The following SBF2 variants were observed in gnomAD, a reference collection of about 807,000 sequenced individuals.
SBF2 encodes SET binding factor 2.
Under a neutral mutation model 225.2 loss-of-function variants are expected in SBF2, and 112 were observed. That is an observed-to-expected ratio of 0.50 (90% CI 0.43 to 0.58). The LOEUF (loss-of-function observed/expected upper bound fraction) is 0.58, where lower values mean the gene tolerates loss of function less well. SBF2 is among the 20% of genes least tolerant of loss of function. The pLI is 0.00. For synonymous variants in SBF2, 763 were observed against 773.3 expected (o/e 0.99, Z 0.22); for missense variants, 1,996 against 2,206.2 (o/e 0.90, Z 1.91).
At chr11:10,277,530 G>T (rs1323144917) in intron 1 of SBF2, among the ~76,000 whole-genome samples, 2 of 152,282 alleles carry the variant, frequency 1.3e-5, no homozygotes, top group East Asian at 3.9e-4. Flanking sequence ...ATGAACCATT[G>T]TGTTTGTGGT....
chr11:10,260,263 A>C (rs1187677866), intron 1 of SBF2, among the ~76,000 whole-genome samples: 1 of 152,230 alleles, frequency 6.6e-6, no homozygotes, highest in Non-Finnish European at 1.5e-5. Context: ...TATGTCCACT[A>C]AGGGCACATT....
chr11:9,781,107 A>ATGTT (rs1217906756), intron 39 of SBF2, among the ~76,000 whole-genome samples: 6 of 152,220 alleles, frequency 3.9e-5, no homozygotes, highest in African/African-American at 1.4e-4. Flanking sequence ...GCTGCTGAAG[A>ATGTT]TGTTAGCGTA....
chr11:9,976,072 CTTTT>C (rs773334975), intron 13 of SBF2, among the ~76,000 whole-genome samples: 1 of 128,254 alleles, frequency 7.8e-6, no homozygotes, highest in Non-Finnish European at 1.6e-5. Context: ...TCTTCTTCTT[CTTTT>C]TTTTTTTTTT....
intron 1 of SBF2, among the ~76,000 whole-genome samples, chr11:10,235,391 G>A (rs554131956): frequency 1.8e-4 from 27 of 152,182 alleles, no homozygotes; most frequent in African/African-American, 5.1e-4. Flanking sequence ...AAAATTAGCC[G>A]TGATGCACGC....
intron 2 of SBF2, among the ~76,000 whole-genome samples, chr11:10,170,207 G>A (rs949512711): frequency 2.0e-5 from 3 of 152,094 alleles, no homozygotes; most frequent in Non-Finnish European, 2.9e-5. Context: ...TCTTTGCCCA[G>A]TTCAGTGCCC....
chr11:10,169,174 T>G (rs1043747612), intron 2 of SBF2, among the ~76,000 whole-genome samples: 17 of 152,322 alleles, frequency 1.1e-4, no homozygotes, highest in African/African-American at 4.1e-4. Flanking sequence ...ATCCTTTGTG[T>G]TACAAAAATG....
chr11:9,892,026 G>A (rs1339803743), intron 17 of SBF2, among the ~76,000 whole-genome samples: 1 of 152,162 alleles, frequency 6.6e-6, no homozygotes, highest in Non-Finnish European at 1.5e-5. Context: ...ATTATGAGAG[G>A]ATGACCAAGA....
At chr11:9,824,717 GC>G (rs2133924121) in intron 28 of SBF2, among the ~76,000 whole-genome samples, 1 of 152,292 alleles carries the variant, frequency 6.6e-6, no homozygotes, top group Non-Finnish European at 1.5e-5. Context: ...GTGTACAATG[GC>G]AAAATACAAG....
At chr11:10,188,776 G>T (rs1957045763) in intron 2 of SBF2, among the ~76,000 whole-genome samples, 1 of 152,178 alleles carries the variant, frequency 6.6e-6, no homozygotes. Context: ...ACTTCAAAGA[G>T]ACAACAGTCT....
chr11:9,954,175 T>G (rs374686644), intron 16 of SBF2, among the ~76,000 whole-genome samples: 2 of 152,228 alleles, frequency 1.3e-5, no homozygotes, highest in South Asian at 2.1e-4. Flanking sequence ...TTGGCAGTAC[T>G]CATGTTCCAT....
chr11:10,145,239 C>T (rs1954832714), intron 2 of SBF2, among the ~76,000 whole-genome samples: 1 of 152,120 alleles, frequency 6.6e-6, no homozygotes, highest in Admixed American at 6.5e-5. Flanking sequence ...GCTATGACTG[C>T]CAAACAGAGT....
intron 1 of SBF2, among the ~76,000 whole-genome samples, chr11:10,214,971 T>A (rs1017474581): frequency 6.6e-5 from 10 of 152,038 alleles, no homozygotes; most frequent in Non-Finnish European, 1.5e-4. Context: ...TAGAAACAAC[T>A]CCTAGCCCAC....
chr11:10,077,530 A>G (rs886861992), intron 2 of SBF2, among the ~76,000 whole-genome samples: 1 of 152,204 alleles, frequency 6.6e-6, no homozygotes, highest in Admixed American at 6.5e-5. Flanking sequence ...AAAACAAGCA[A>G]TGGGGAAAGG....
At chr11:10,261,401 C>T (rs984127910) in intron 1 of SBF2, among the ~76,000 whole-genome samples, 1 of 152,082 alleles carries the variant, frequency 6.6e-6, no homozygotes, top group African/African-American at 2.4e-5. Context: ...GCGGGTTTTG[C>T]CATGTTGCCC....
At chr11:9,904,618 A>T (rs372828733) in intron 16 of SBF2, among the ~76,000 whole-genome samples, 6 of 152,236 alleles carry the variant, frequency 3.9e-5, no homozygotes, top group African/African-American at 1.4e-4. Flanking sequence ...ATAGATATGT[A>T]TAGAACACTG....
intron 2 of SBF2, among the ~76,000 whole-genome samples, chr11:10,091,333 C>G (rs1015473303): frequency 2.0e-5 from 3 of 152,188 alleles, no homozygotes; most frequent in African/African-American, 7.2e-5. Flanking sequence ...CATCAGTTCT[C>G]TACTTGATTA....
At chr11:9,992,679 T>C in intron 11 of SBF2, 136 bp from the exon 12 acceptor site, 2 of 832,184 alleles carry the variant, frequency 2.4e-6, no homozygotes, top group Non-Finnish European at 3.6e-6. Flanking sequence ...AAAATATATT[T>C]CTCTCAAAGA....
At chr11:9,984,483 T>C (rs901322731) in intron 13 of SBF2, among the ~76,000 whole-genome samples, 3 of 152,040 alleles carry the variant, frequency 2.0e-5, no homozygotes, top group African/African-American at 7.2e-5. Flanking sequence ...AAGAAGATAA[T>C]TCTAAAAGCC....
intron 9 of SBF2, among the ~76,000 whole-genome samples, chr11:9,995,949 C>A (rs551281906): frequency 6.6e-6 from 1 of 151,896 alleles, no homozygotes; most frequent in African/African-American, 2.4e-5. Flanking sequence ...CATGAGCCAC[C>A]GCACCCGGCC....
Sources: allele counts gnomAD v4.1 joint callset (sites outside exome capture counted in the v4.1 genomes callset), GRCh38; gene constraint gnomAD v4.1.1; transcripts MANE v1.5; gene names NCBI Gene and HGNC (gene_info 2026-07-23, HGNC 2026-07-21).